TRMT10A: variants seen among roughly 807,000 people sequenced by gnomAD.
TRMT10A encodes tRNA methyltransferase 10 homolog A.
TRMT10A carries 37 observed loss-of-function variants against 40.4 expected under a neutral mutation model. The ratio of observed to expected loss-of-function variants is 0.92; its 90% confidence interval spans 0.71 to 1.21. The LOEUF is 1.21. TRMT10A is among the 50% of genes most tolerant of loss of function. TRMT10A has a pLI of 0.00. For missense variants in TRMT10A, 388 were observed against 404.3 expected (o/e 0.96, Z 0.35); for synonymous variants, 103 against 134.1 (o/e 0.77, Z 1.60).
intron 4 of TRMT10A, among the ~76,000 whole-genome samples, chr4:99,556,529 C>T (rs963773469): frequency 6.8e-6 from 1 of 147,414 alleles, no homozygotes; most frequent in Non-Finnish European, 1.5e-5. Context: ...ATGTCAAGTT[C>T]CCACTCCTCT....
intron 6 of TRMT10A, 70 bp downstream of exon 6, chr4:99,553,715 T>C: frequency 6.9e-7 from 1 of 1,450,776 alleles, no homozygotes; most frequent in African/African-American, 1.4e-5. Flanking sequence ...AGTATTATTG[T>C]TACTTTCAGG....
chr4:99,558,288 C>G, intron 2 of TRMT10A, 77 bp from the exon 3 acceptor site: 2 of 1,257,970 alleles, frequency 1.6e-6, no homozygotes, highest in Non-Finnish European at 2.2e-6. Context: ...TAAACAATTC[C>G]TTTTAAAAAT....
rs1319448049 is a variant in TRMT10A, at chr4:99,548,648, A to G, written c.*440T>C. 1 of 153,240 alleles carries G rather than the reference A, an allele frequency of 6.5e-6. No individual in the cohort carries two copies. The allele number at this position is 153,240 out of a possible 1,614,324, so 9.5% of individuals were successfully genotyped here. Reference sequence around the variant, plus strand: ...AAAAGCTGCAAATAGAGGGTAACCTACCATACACAAATGCTGATAGATTGA... The same window carrying G: ...AAAAGCTGCAAATAGAGGGTAACCTGCCATACACAAATGCTGATAGATTGA... On this transcript the variant is annotated 3_prime_UTR_variant, in exon 8 of 8. Transcript: ENST00000394876.
intron 2 of TRMT10A, 127 bp from the exon 3 acceptor site, chr4:99,558,338 A>AT: frequency 1.2e-6 from 1 of 863,532 alleles, no homozygotes; most frequent in Non-Finnish European, 1.7e-6. Context: ...TTCTGTGACC[A>AT]TTCAAAAATG....
rs1482595994 is a variant in TRMT10A at position 99,550,935 on chromosome 4, A to G, written c.701T>C (p.Leu234Pro). ...ACTATTCATCTTCACAAAATTTCCA[A>G]GTGGGAGCTGTGCATGATTGATTCC... ...DYGINHAQLP[L>P]GNFVKMNSRK... Residue 234 changes from leucine (L) to proline (P), a missense_variant, in exon 7 of 8, where the codon CTT becomes CCT. Transcript: ENST00000394876. The G allele has an allele frequency of 6.2e-7, 1 of 1,613,368 alleles. No individual in the cohort carries two copies. Among genetic ancestry groups the G allele is most frequent in the Non-Finnish European group, 8.5e-7 (1 of 1,179,640 alleles).
chr4:99,551,575 G>A (rs981992067), intron 6 of TRMT10A, among the ~76,000 whole-genome samples: 1 of 151,864 alleles, frequency 6.6e-6, no homozygotes, highest in East Asian at 1.9e-4. Context: ...ATACAATTAT[G>A]TACAGTACAT....
chr4:99,562,903 C>T (rs186839369), intron 1 of TRMT10A, among the ~76,000 whole-genome samples: 15 of 152,112 alleles, frequency 9.9e-5, no homozygotes, highest in Non-Finnish European at 2.1e-4. Context: ...CTGATTGCAA[C>T]CTCCGCCTTC....
rs767830309 is a variant in TRMT10A at position 99,550,886 on chromosome 4, A to G, written c.750T>C (p.His250=). Reference sequence around the variant, plus strand: ...TTCAGTTTATCCCTTACAGCTTACCATGATTAACTGCCAAAACTTTTCGAC... The same window carrying G: ...TTCAGTTTATCCCTTACAGCTTACCGTGATTAACTGCCAAAACTTTTCGAC... The part of the protein sequence containing the change: ...MNSRKVLAVN[H]VFEIILEYLE... The change falls in exon 7 of 8, where the codon CAT becomes CAC. Residue 250 remains histidine (H), a splice_region_variant and synonymous_variant. Transcript: ENST00000394876. 6.2e-7 allele frequency: 1 copy of G among 1,610,038 alleles called. No homozygotes were observed. Among genetic ancestry groups the G allele is most frequent in the East Asian group, 2.2e-5 (1 of 44,682 alleles).
intron 4 of TRMT10A, among the ~76,000 whole-genome samples, 181 bp from the exon 5 acceptor site, chr4:99,556,401 C>T (rs1319809830): frequency 1.3e-5 from 2 of 152,032 alleles, no homozygotes; most frequent in African/African-American, 2.4e-5. Flanking sequence ...AGAAATAGTA[C>T]GTTTTGTGTG....
chr4:99,554,537 A>G (rs1423454033), intron 5 of TRMT10A, among the ~76,000 whole-genome samples: 1 of 151,996 alleles, frequency 6.6e-6, no homozygotes, highest in Non-Finnish European at 1.5e-5. Context: ...CCTGGCCAAC[A>G]TGGTGAAACC....
chr4:99,560,546 G>GAGATA (rs1298619428), intron 1 of TRMT10A, among the ~76,000 whole-genome samples: 1 of 151,924 alleles, frequency 6.6e-6, no homozygotes, highest in Non-Finnish European at 1.5e-5. Context: ...AAGGTAATTA[G>GAGATA]AGATAAACAT....
At chr4:99,556,077 T>C in intron 5 of TRMT10A, 69 bp downstream of exon 5, 1 of 1,410,106 alleles carries the variant, frequency 7.1e-7, no homozygotes, top group Non-Finnish European at 9.9e-7. Context: ...AGAATTTAGG[T>C]ACAAAATGTA....
chr4:99,551,924 A>G (rs1723980173), intron 6 of TRMT10A, among the ~76,000 whole-genome samples: 4 of 146,646 alleles, frequency 2.7e-5, no homozygotes, highest in Admixed American at 2.7e-4. Flanking sequence ...AAAAAGAGGA[A>G]AATTTTTTTT....
At chr4:99,561,594 T>C (rs1217948561) in intron 1 of TRMT10A, among the ~76,000 whole-genome samples, 2 of 152,224 alleles carry the variant, frequency 1.3e-5, no homozygotes, top group East Asian at 1.9e-4. Context: ...TTATTCCGTA[T>C]AGTATACTTT....
chr4:99,559,261 C>CT lies in TRMT10A; in HGVS notation c.77dup (p.Glu27GlyfsTer9). 6.2e-7 allele frequency: 1 copy of CT among 1,613,562 alleles called. No individual in the cohort carries two copies. The highest frequency in any genetic ancestry group is 8.5e-7 in the Non-Finnish European group (1 of 1,179,650). ...CACCTAATCTTGGCTTCTGGCTCTCCTCTTGATCTTCATTTATGCCTTGCT... is the reference window on the plus strand; with the variant it reads ...CACCTAATCTTGGCTTCTGGCTCTCCTTCTTGATCTTCATTTATGCCTTGCT... On this transcript the variant is annotated frameshift_variant, in exon 2 of 8. Coordinates refer to ENST00000394876, the MANE Select transcript of TRMT10A (RefSeq NM_001134665.3). LOFTEE classifies it high-confidence loss of function.
At chr4:99,557,803 CAA>C (rs1166913933) in intron 3 of TRMT10A, 2 of 453,280 alleles carry the variant, frequency 4.4e-6, no homozygotes, top group Non-Finnish European at 7.7e-6. Flanking sequence ...ATCTAGACTA[CAA>C]AGTGTGTGTT....
chr4:99,561,596 GT>G (rs1724399755), intron 1 of TRMT10A, among the ~76,000 whole-genome samples: 1 of 152,114 alleles, frequency 6.6e-6, no homozygotes, highest in Admixed American at 6.5e-5. Context: ...ATTCCGTATA[GT>G]ATACTTTACA....
At chr4:99,552,043 A>T (rs2110184485) in intron 6 of TRMT10A, among the ~76,000 whole-genome samples, 1 of 152,274 alleles carries the variant, frequency 6.6e-6, no homozygotes, top group African/African-American at 2.4e-5. Flanking sequence ...TTTTAAGCTA[A>T]ATGTTATTAC....
chr4:99,562,515 C>CTTT (rs67816425), intron 1 of TRMT10A, among the ~76,000 whole-genome samples: 4,944 of 76,672 alleles, frequency 0.064, 951 homozygotes, highest in Non-Finnish European at 0.074. Context: ...AAAGGAATGC[C>CTTT]TTTTTTTTTT....
Sources: gnomAD v4.1 joint callset for allele counts (sites outside exome capture counted in the v4.1 genomes callset) on GRCh38, gnomAD v4.1.1 for gene constraint, MANE v1.5 for transcripts, NCBI Gene and HGNC (gene_info 2026-07-23, HGNC 2026-07-21) for gene names.